Variants in ERBB4 observed in about 807,000 individuals in gnomAD.
ERBB4 encodes the protein erb-b2 receptor tyrosine kinase 4.
A neutral mutation model predicts 158.0 loss-of-function variants in ERBB4; 42 were observed. The observed-to-expected ratio is 0.27, with a 90% CI of 0.21 to 0.34. ERBB4 has a LOEUF of 0.34. Ranked by LOEUF, ERBB4 falls within the 10% of genes least tolerant of loss-of-function variation. The pLI is 1.00. For synonymous variants in ERBB4, 583 were observed against 558.7 expected, an observed-to-expected ratio of 1.04 and a Z score of -0.61; for missense variants, 1,333 against 1,624.1, an observed-to-expected ratio of 0.82 and a Z score of 3.08.
At chr2:212,239,714 TAGG>T (rs1213462437) in intron 1 of ERBB4, among the ~76,000 whole-genome samples, 7 of 152,120 alleles carry the variant, frequency 4.6e-5, no homozygotes, top group Non-Finnish European at 1.0e-4. Context: ...TCAACTTTAT[TAGG>T]AGGTTTTTGT....
chr2:212,450,450 A>G (rs1250958257), intron 1 of ERBB4, among the ~76,000 whole-genome samples: 1 of 152,184 alleles, frequency 6.6e-6, no homozygotes, highest in Admixed American at 6.5e-5. Context: ...GGACAGAAGC[A>G]TACTGGAGTG....
chr2:211,809,801 T>A (rs1161908269), intron 3 of ERBB4, among the ~76,000 whole-genome samples: 1 of 152,206 alleles, frequency 6.6e-6, no homozygotes, highest in Non-Finnish European at 1.5e-5. Context: ...ATTTTAGATC[T>A]TTCCTGCTGT....
chr2:212,342,011 C>T (rs1050526942), intron 1 of ERBB4, among the ~76,000 whole-genome samples: 1 of 152,100 alleles, frequency 6.6e-6, no homozygotes, highest in Non-Finnish European at 1.5e-5. Flanking sequence ...GTAATCCCAA[C>T]ACGTTGGGAG....
rs534574885 is a variant in ERBB4, at chr2:211,915,615, A to T, written c.421+31815T>A. ...TTAAGTAATTTGAGAGCTGAATGAC[A>T]CAAAAGGTCTTGGAATGACAAAAAA... On this transcript the variant is annotated intron_variant, in intron 3 of 27. Coordinates refer to ENST00000342788, the MANE Select transcript of ERBB4 (RefSeq NM_005235.3). Among the ~76,000 whole-genome samples the T allele has an allele frequency of 2.6e-5, 4 of 152,148 alleles. No homozygotes were observed. The East Asian group carries it at 7.7e-4, about 29-fold the overall frequency.
At chr2:211,498,206 A>C (rs865959759) in intron 20 of ERBB4, among the ~76,000 whole-genome samples, 8 of 152,134 alleles carry the variant, frequency 5.3e-5, no homozygotes, top group Middle Eastern at 3.4e-3. Flanking sequence ...TCAACCTAGG[A>C]ACTTCTATAA....
chr2:211,775,352 C>T (rs2075846459), intron 4 of ERBB4, among the ~76,000 whole-genome samples: 1 of 152,050 alleles, frequency 6.6e-6, no homozygotes, highest in Non-Finnish European at 1.5e-5. Flanking sequence ...GGTATAAGGG[C>T]TTGTCTTTGC....
rs921481768 is a variant in ERBB4, at chr2:211,377,951, T to C, written c.*5664A>G. 8.6e-6 allele frequency: 2 copies of C among 232,822 alleles called. No homozygotes were observed. The highest frequency in any genetic ancestry group is 2.2e-5 in the African/African-American group (1 of 45,290). The allele number at this position is 232,822 out of a possible 1,614,324, so 14.4% of individuals were successfully genotyped here. ...TAGTTCACTTAAACAGTGTCCAAAT[T>C]GCTAGAATCTCTTATGAAAAAATCA... On this transcript the variant is annotated 3_prime_UTR_variant, in exon 28 of 28. Coordinates refer to ENST00000342788, the MANE Select transcript of ERBB4 (RefSeq NM_005235.3).
rs2062523841 is a variant in ERBB4 at position 211,378,726 on chromosome 2, T to C, written c.*4889A>G. 1 of 232,882 alleles carries C rather than the reference T, an allele frequency of 4.3e-6. No homozygotes were observed. The highest frequency in any genetic ancestry group is 6.1e-5 in the East Asian group (1 of 16,518). 14.4% of individuals were successfully genotyped at this position (232,882 alleles called of 1,614,324 possible). On this transcript the variant is annotated 3_prime_UTR_variant, in exon 28 of 28. Transcript: ENST00000342788. ...GATCTCATCTGTATAATATTTGTTC[T>C]TAAGCAAATAGCAACCAGGCGATAC...
At chr2:211,730,913 A>G (rs1433136812) in intron 5 of ERBB4, among the ~76,000 whole-genome samples, 1 of 152,124 alleles carries the variant, frequency 6.6e-6, no homozygotes, top group Non-Finnish European at 1.5e-5. Context: ...AGTCATTTAC[A>G]CCATCTGATT....
At chr2:211,693,512 C>T (rs2072898913) in intron 12 of ERBB4, among the ~76,000 whole-genome samples, 1 of 152,078 alleles carries the variant, frequency 6.6e-6, no homozygotes, top group Non-Finnish European at 1.5e-5. Flanking sequence ...CAAGGGAACA[C>T]AGCTTCAGAA....
At chr2:212,148,549 G>T (rs1379552233) in intron 1 of ERBB4, among the ~76,000 whole-genome samples, 1 of 152,256 alleles carries the variant, frequency 6.6e-6, no homozygotes, top group East Asian at 1.9e-4. Flanking sequence ...GAGAAATGTG[G>T]AGAGATGGAG....
At chr2:212,392,128 T>A (rs1294844453) in intron 1 of ERBB4, among the ~76,000 whole-genome samples, 1 of 151,584 alleles carries the variant, frequency 6.6e-6, no homozygotes, top group African/African-American at 2.4e-5. Context: ...AAAACATACA[T>A]CAATGATAAA....
In ERBB4 at chr2:212,010,342, G is replaced by T. The variant is rs190919064; in HGVS notation, c.235-62726C>A. ...ACATAATCACCAGGTGTGTATATTT[G>T]CAGGAAAACAAGAGTATTGTAATTA... On this transcript the variant is annotated intron_variant, in intron 2 of 27. Coordinates refer to ENST00000342788, the MANE Select transcript of ERBB4 (RefSeq NM_005235.3). Among the ~76,000 whole-genome samples the T allele has an allele frequency of 5.3e-4, 81 of 152,202 alleles. 1 individual carries two copies. Among genetic ancestry groups the T allele is most frequent in the Non-Finnish European group, 9.3e-4 (63 of 67,988 alleles).
At chr2:212,289,012 G>T (rs1305968529) in intron 1 of ERBB4, among the ~76,000 whole-genome samples, 1 of 151,958 alleles carries the variant, frequency 6.6e-6, no homozygotes, top group Non-Finnish European at 1.5e-5. Flanking sequence ...GAAAGCCGTG[G>T]GCAACCCTAG....
rs1380764338 is a variant in ERBB4 at position 212,191,580 on chromosome 2, CCTGTTATATATAACACATGTGTT to C, written c.83-66700_83-66678del. ...TGTTATATATAACACATGTGTTATG[CCTGTTATATATAACACATGTGTT>C]ATGCCTGTTATATATAACACATGTG... is the stretch of plus-strand genomic sequence containing the variant. On this transcript the variant is annotated intron_variant, in intron 1 of 27. Transcript: ENST00000342788. Among the ~76,000 whole-genome samples the C allele has an allele frequency of 9.6e-3, 448 of 46,882 alleles. 14 individuals are homozygous for C. Among genetic ancestry groups the C allele is most frequent in the African/African-American group, 0.029 (421 of 14,664 alleles). 30.8% of individuals were successfully genotyped at this position (46,882 alleles called of 152,430 possible).
chr2:211,464,249 C>A (rs1002725693), intron 20 of ERBB4, among the ~76,000 whole-genome samples: 1 of 152,134 alleles, frequency 6.6e-6, no homozygotes, highest in East Asian at 1.9e-4. Context: ...GCCCAGCACC[C>A]AAGACAGTGC....
intron 3 of ERBB4, among the ~76,000 whole-genome samples, chr2:211,851,146 A>C (rs892428923): frequency 2.0e-5 from 3 of 151,988 alleles, no homozygotes; most frequent in African/African-American, 7.2e-5. Context: ...TTGAATAAAA[A>C]TTGAAAATGA....
intron 20 of ERBB4, among the ~76,000 whole-genome samples, chr2:211,492,111 G>C (rs575898396): frequency 5.8e-4 from 88 of 151,994 alleles, no homozygotes; most frequent in African/African-American, 2.0e-3. Flanking sequence ...GTTTTAAACT[G>C]AATAGGATAT....
At chr2:211,700,269 G>A (rs1198459690) in intron 12 of ERBB4, among the ~76,000 whole-genome samples, 1 of 151,998 alleles carries the variant, frequency 6.6e-6, no homozygotes, top group Non-Finnish European at 1.5e-5. Context: ...TAAGTATTAA[G>A]GAAAAAGCAC....
Sources: allele counts gnomAD v4.1 joint callset (sites outside exome capture counted in the v4.1 genomes callset), GRCh38; gene constraint gnomAD v4.1.1; transcripts MANE v1.5; gene names NCBI Gene and HGNC (gene_info 2026-07-23, HGNC 2026-07-21).